DPEP2: variants seen among roughly 807,000 people sequenced by gnomAD.
DPEP2 encodes the protein dipeptidase 2.
A neutral mutation model predicts 51.8 loss-of-function variants in DPEP2; 45 were observed. The ratio of observed to expected loss-of-function variants is 0.87; its 90% confidence interval spans 0.68 to 1.11. The LOEUF (loss-of-function observed/expected upper bound fraction) is 1.11. Among genes scored for constraint, DPEP2 ranks in the 50% most tolerant of loss-of-function variants. The probability of loss-of-function intolerance (pLI) is 0.00; values close to 1 mark genes in which losing one functional copy is unlikely to be tolerated. For missense variants in DPEP2, 604 were observed against 631.9 expected, an observed-to-expected ratio of 0.96 and a Z score of 0.47; for synonymous variants, 255 against 262.7, an observed-to-expected ratio of 0.97 and a Z score of 0.28.
At position 67,991,171 on chromosome 16, in the gene DPEP2, C is replaced by T. The variant is rs764677038; in HGVS notation, c.676G>A (p.Ala226Thr). ...TCNTPWAESS[A>T]KGVHSFYNNI... ...TTGTAGAAGGAGTGGACGCCCTTAG[C>T]GGAGCTCTCTGCCCTGCAGGGTGGC... is the stretch of plus-strand genomic sequence containing the variant. Residue 226 changes from alanine to threonine, a missense_variant, in exon 6 of 11, where the codon GCT becomes ACT. Coordinates refer to ENST00000393847, the MANE Select transcript of DPEP2 (RefSeq NM_022355.4). This position sits in a 1 kb window ranked among gnomAD's most constrained non-coding sequence, Gnocchi z 5.1. 61 of 1,613,130 alleles carry T rather than the reference C, an allele frequency of 3.8e-5. No individual in the cohort carries two copies. Among genetic ancestry groups the T allele is most frequent in the Non-Finnish European group, 4.7e-5 (55 of 1,180,038 alleles).
chr16:67,989,916 A>T (rs2031912057), intron 8 of DPEP2, 131 bp downstream of exon 8: 5 of 907,382 alleles, frequency 5.5e-6, no homozygotes, highest in Middle Eastern at 5.2e-4. Context: ...CTGCAGCTCC[A>T]TGTGACCAAT....
chr16:67,996,145 C>T (rs897332120), intron 1 of DPEP2, among the ~76,000 whole-genome samples: 1 of 151,784 alleles, frequency 6.6e-6, no homozygotes, highest in Non-Finnish European at 1.5e-5. Flanking sequence ...TTCAATCAAT[C>T]CTCCCACTTC....
At position 67,987,534 on chromosome 16, in the gene DPEP2, G is replaced by A; in HGVS notation, c.1433C>T (p.Thr478Ile). 1 of 1,613,990 alleles carries A rather than the reference G, an allele frequency of 6.2e-7. No homozygotes were observed. The highest frequency in any genetic ancestry group is 8.5e-7 in the Non-Finnish European group (1 of 1,179,842). The change falls in exon 11 of 11, where the codon ACC becomes ATC. Residue 478 changes from threonine to isoleucine, a missense_variant. Physicochemically the swap from Thr to Ile is moderately conservative, Grantham distance 89 (BLOSUM62 -1). Coordinates refer to ENST00000393847, the MANE Select transcript of DPEP2 (RefSeq NM_022355.4). Reference sequence around the variant, plus strand: ...GAGCCACAGAATAAGGACTGGGAAGGTGGCCACAACTGCAAGGACTGGGGC... The same window carrying A: ...GAGCCACAGAATAAGGACTGGGAAGATGGCCACAACTGCAAGGACTGGGGC... ...HMAPVLAVVA[T>I]FPVLILWL is the part of the protein sequence containing the mutation.
chr16:67,989,461 G>C lies in DPEP2; in HGVS notation c.995-63C>G, dbSNP rs979514113. The C allele has an allele frequency of 1.8e-5, 27 of 1,542,072 alleles. No individual in the cohort carries two copies. The African/African-American group carries it at 3.0e-4, about 17-fold the overall frequency. On this transcript the variant is annotated intron_variant, in intron 8 of 10. Coordinates refer to ENST00000393847, the MANE Select transcript of DPEP2 (RefSeq NM_022355.4). ...CTTCCAGGGCAGGGGTGCCACTGGG[G>C]CTGGATGGCACTGAGTCTCCTTCTT...
intron 2 of DPEP2, 35 bp downstream of exon 2, chr16:67,992,915 T>C: frequency 6.3e-7 from 1 of 1,586,356 alleles, no homozygotes. Context: ...AGGAGTGTGC[T>C]CAGCTCCCAT....
chr16:67,989,996 G>A (rs1297195732), intron 8 of DPEP2, 51 bp downstream of exon 8: 1 of 1,597,878 alleles, frequency 6.3e-7, no homozygotes, highest in Non-Finnish European at 8.6e-7. Flanking sequence ...GCCCTCCCAA[G>A]TCTTCAGGTG....
At chr16:67,988,073 C>T (rs973618772) in intron 9 of DPEP2, 86 bp from the exon 10 acceptor site, 49 of 1,578,756 alleles carry the variant, frequency 3.1e-5, no homozygotes, top group African/African-American at 2.3e-4. Context: ...AAACCCCAGC[C>T]CTGGTCAGGT....
At chr16:67,992,326 G>T in intron 3 of DPEP2, 133 bp from the exon 4 acceptor site, 1 of 1,432,114 alleles carries the variant, frequency 7.0e-7, no homozygotes, top group South Asian at 1.3e-5. Context: ...CTTCCACAGG[G>T]TCTTCCTGGC....
At chr16:67,996,667 C>G (rs544994958) in intron 1 of DPEP2, among the ~76,000 whole-genome samples, 1 of 151,928 alleles carries the variant, frequency 6.6e-6, no homozygotes, top group African/African-American at 2.4e-5. Context: ...TAGGTGTGAG[C>G]GACCGCACTC....
Position 67,993,260 on chromosome 16 carries a change from G to A in DPEP2, c.-45-3C>T, listed in dbSNP as rs1227811951. 2.9e-6 allele frequency: 4 copies of A among 1,401,068 alleles called. No homozygotes were observed. Among genetic ancestry groups the A allele is most frequent in the Non-Finnish European group, 3.7e-6 (4 of 1,076,010 alleles). 86.8% of individuals were successfully genotyped at this position (1,401,068 alleles called of 1,614,324 possible). On this transcript the variant is annotated splice_region_variant and splice_polypyrimidine_tract_variant and intron_variant, in intron 1 of 10. Transcript: ENST00000393847. ...GGCAGGGGTGGCAGTCAGAGAGCCT[G>A]AGAGGGGCGGGCGAGGGGCAGAGCG...
chr16:67,988,093 G>A (rs925274659), intron 9 of DPEP2, 106 bp from the exon 10 acceptor site: 14 of 1,431,794 alleles, frequency 9.8e-6, no homozygotes, highest in Non-Finnish European at 1.3e-5. Flanking sequence ...TATGGGAAGT[G>A]GAGACTTGGA....
At position 67,991,612 on chromosome 16, in the gene DPEP2, A is replaced by T; in HGVS notation, c.662+226T>A. ...AGGCTGGTCTCGAACTCCTGGCCTT[A>T]AGTTATCTGTCCGCCTCAGCCTCCC... is the stretch of plus-strand genomic sequence containing the variant. On this transcript the variant is annotated intron_variant, in intron 5 of 10. Coordinates refer to ENST00000393847, the MANE Select transcript of DPEP2 (RefSeq NM_022355.4). This position sits in a 1 kb window ranked among gnomAD's most constrained non-coding sequence, Gnocchi z 5.1. 1 of 619,402 alleles carries T rather than the reference A, an allele frequency of 1.6e-6. No individual in the cohort carries two copies. Among genetic ancestry groups the T allele is most frequent in the Non-Finnish European group, 2.7e-6 (1 of 370,330 alleles). The allele number at this position is 619,402 out of a possible 1,614,324, so 38.4% of individuals were successfully genotyped here.
At position 67,988,979 on chromosome 16, in the gene DPEP2, A is replaced by AAAGGAG. The variant is rs1034777166; in HGVS notation, c.1070+338_1070+343dup. ...CAAAGAAGAAGGAGGACGAGGAAGA[A>AAAGGAG]AAGGAGAAGGAGAAGGAGAGGAAGA... On this transcript the variant is annotated intron_variant, in intron 9 of 10. Transcript: ENST00000393847. Among the ~76,000 whole-genome samples the AAAGGAG allele has an allele frequency of 2.5e-4, 38 of 152,114 alleles. 1 individual carries two copies. Among genetic ancestry groups the AAAGGAG allele is most frequent in the Admixed American group, 1.2e-3 (18 of 15,266 alleles).
rs746669449 is a variant in DPEP2 at position 67,992,973 on chromosome 16, C to T, written c.240G>A (p.Met80Ile). ...ACCCGTCCACGAGCGGGAAGTCCCG[C>T]ATCAGGGCCCGTGCCTGCTCTTGCA... ...QGLQEQARAL[M>I]RDFPLVDGHN... The change falls in exon 2 of 11, where the codon ATG becomes ATA. Residue 80 changes from methionine (M) to isoleucine (I), a missense_variant. Coordinates refer to ENST00000393847, the MANE Select transcript of DPEP2 (RefSeq NM_022355.4). 2 of 1,611,688 alleles carry T rather than the reference C, an allele frequency of 1.2e-6. No homozygotes were observed. The highest frequency in any genetic ancestry group is 1.1e-5 in the South Asian group (1 of 90,700).
intron 1 of DPEP2, among the ~76,000 whole-genome samples, chr16:67,995,769 G>A (rs1017773931): frequency 3.9e-5 from 6 of 152,130 alleles, no homozygotes; most frequent in African/African-American, 1.4e-4. Flanking sequence ...TTCGAGACCA[G>A]CTTGGCCAAC....
At chr16:67,994,030 A>G in intron 1 of DPEP2, 3 of 985,198 alleles carry the variant, frequency 3.0e-6, no homozygotes, top group Non-Finnish European at 3.6e-6. Context: ...CAGTGGAGGG[A>G]TGAGAGCGCA....
At chr16:67,988,793 GC>G (rs2031751503) in intron 9 of DPEP2, among the ~76,000 whole-genome samples, 1 of 151,876 alleles carries the variant, frequency 6.6e-6, no homozygotes. Flanking sequence ...CATGCCTGTA[GC>G]CCCAGCTACT....
At chr16:67,992,828 C>G in intron 2 of DPEP2, 122 bp downstream of exon 2, 1 of 1,482,314 alleles carries the variant, frequency 6.7e-7, no homozygotes, top group Non-Finnish European at 9.0e-7. Context: ...CCATGCATGA[C>G]GGGAGAGAGG....
upstream of DPEP2, chr16:68,000,315 C>A (rs116997442): frequency 8.3e-5 from 35 of 419,642 alleles, no homozygotes; most frequent in Non-Finnish European, 1.1e-4. Flanking sequence ...TTCTGGTGTG[C>A]AGCTCACTCG....
Sources: allele counts gnomAD v4.1 joint callset (sites outside exome capture counted in the v4.1 genomes callset), GRCh38; gene constraint gnomAD v4.1.1; non-coding constraint Gnocchi (gnomAD v3.1); transcripts MANE v1.5; gene names NCBI Gene and HGNC (gene_info 2026-07-23, HGNC 2026-07-21).